SYT1: variants seen among roughly 807,000 people sequenced by gnomAD.
SYT1 encodes the protein synaptotagmin 1.
Under a neutral mutation model 44.8 loss-of-function variants are expected in SYT1, and 8 were observed. The ratio of observed to expected loss-of-function variants is 0.18; its 90% CI spans 0.10 to 0.32. The LOEUF (loss-of-function observed/expected upper bound fraction) is 0.32. Ranked by LOEUF, SYT1 falls within the 10% of genes least tolerant of loss-of-function variation. The pLI, the probability that SYT1 is intolerant of heterozygous loss-of-function variation, is 1.00. For synonymous variants in SYT1, 154 were observed against 188.8 expected (o/e 0.82, Z 1.51); for missense variants, 286 against 509.3 (o/e 0.56, Z 4.22).
intron 2 of SYT1, among the ~76,000 whole-genome samples, chr12:79,026,883 T>A (rs936546893): frequency 1.7e-4 from 25 of 149,470 alleles, no homozygotes; most frequent in African/African-American, 6.1e-4. Flanking sequence ...GGATGGCTAC[T>A]ACAAAAAAAG....
At chr12:79,003,808 T>C (rs943840645) in intron 2 of SYT1, among the ~76,000 whole-genome samples, 1 of 152,024 alleles carries the variant, frequency 6.6e-6, no homozygotes, top group Non-Finnish European at 1.5e-5. Flanking sequence ...AAATGTAGGC[T>C]TTGAAGTCAG....
At chr12:79,184,261 AC>A (rs1241504442) in intron 3 of SYT1, among the ~76,000 whole-genome samples, 1 of 152,052 alleles carries the variant, frequency 6.6e-6, no homozygotes, top group African/African-American at 2.4e-5. Context: ...GCTGAAAAAA[AC>A]ATAGGTTGTA....
intron 8 of SYT1, among the ~76,000 whole-genome samples, chr12:79,318,030 A>C (rs891523389): frequency 5.3e-5 from 8 of 152,204 alleles, no homozygotes; most frequent in Non-Finnish European, 1.2e-4. Flanking sequence ...ATTTTTAAAG[A>C]ATGAGAAAGC....
intron 9 of SYT1, among the ~76,000 whole-genome samples, chr12:79,413,950 G>A (rs1222316688): frequency 6.6e-6 from 1 of 152,098 alleles, no homozygotes; most frequent in Non-Finnish European, 1.5e-5. Flanking sequence ...TATATGTAAG[G>A]AAGGCAAATA....
intron 9 of SYT1, among the ~76,000 whole-genome samples, chr12:79,428,703 G>A (rs1381052941): frequency 1.3e-5 from 2 of 152,180 alleles, no homozygotes; most frequent in South Asian, 2.1e-4. Context: ...TAAATGTAAA[G>A]CTGGATTCTC....
At chr12:79,376,213 C>T (rs1458536228) in intron 9 of SYT1, among the ~76,000 whole-genome samples, 2 of 152,144 alleles carry the variant, frequency 1.3e-5, no homozygotes, top group African/African-American at 4.8e-5. Flanking sequence ...CAGGGCGAGT[C>T]TGCAGTGCAC....
intron 1 of SYT1, chr12:78,977,521 G>T (rs142517767): frequency 1.3e-5 from 2 of 152,302 alleles, no homozygotes; most frequent in African/African-American, 2.4e-5. Flanking sequence ...CAATGCCATT[G>T]AACAGAAGAT....
At chr12:79,176,846 T>C (rs549878952) in intron 3 of SYT1, among the ~76,000 whole-genome samples, 1 of 151,904 alleles carries the variant, frequency 6.6e-6, no homozygotes, top group Non-Finnish European at 1.5e-5. Flanking sequence ...CCCTACGTAG[T>C]TTACAATACT....
intron 1 of SYT1, among the ~76,000 whole-genome samples, chr12:78,880,642 A>C (rs1874402732): frequency 6.6e-6 from 1 of 151,640 alleles, no homozygotes; most frequent in Non-Finnish European, 1.5e-5. Flanking sequence ...AGCTCTATGC[A>C]TCTCATCCAA....
intron 1 of SYT1, among the ~76,000 whole-genome samples, chr12:78,875,509 G>A (rs1291225899): frequency 6.6e-6 from 1 of 151,656 alleles, no homozygotes; most frequent in Non-Finnish European, 1.5e-5. Flanking sequence ...AAAGCACTGG[G>A]GTCAAATGAA....
In SYT1 at chr12:79,082,890, C is replaced by T. The variant is rs147446280; in HGVS notation, c.-18+35528C>T. Among the ~76,000 whole-genome samples, 516 of 152,078 alleles carry T rather than the reference C, an allele frequency of 3.4e-3. 5 individuals carry two copies. Among genetic ancestry groups the T allele is most frequent in the Middle Eastern group, 3.4e-3 (1 of 294 alleles). On this transcript the variant is annotated intron_variant, in intron 3 of 10. Coordinates refer to ENST00000261205, the MANE Select transcript of SYT1 (RefSeq NM_005639.3). The stretch of plus-strand genomic sequence containing the variant: ...GAGAATGGTCCTTGCCAGGTGAACA[C>T]GTCTTCTCAGGCTTTGAGTAGCTTC...
chr12:79,314,168 C>CAAAAAAAAA (rs34951756), intron 8 of SYT1, among the ~76,000 whole-genome samples: 9 of 67,300 alleles, frequency 1.3e-4, no homozygotes, highest in African/African-American at 5.7e-4. Flanking sequence ...GACTCCGTCT[C>CAAAAAAAAA]AAAAAAAAAA....
At chr12:78,975,990 G>A (rs990875340) in intron 1 of SYT1, among the ~76,000 whole-genome samples, 2 of 152,096 alleles carry the variant, frequency 1.3e-5, no homozygotes, top group African/African-American at 4.8e-5. Context: ...ATATTCTAAA[G>A]GACACACACA....
intron 5 of SYT1, among the ~76,000 whole-genome samples, chr12:79,288,584 T>A (rs1051766171): frequency 6.6e-6 from 1 of 152,322 alleles, no homozygotes; most frequent in South Asian, 2.1e-4. Flanking sequence ...AAGATTTTTT[T>A]AAATATTCTG....
intron 1 of SYT1, among the ~76,000 whole-genome samples, chr12:78,931,751 A>G (rs775760349): frequency 6.6e-6 from 1 of 152,132 alleles, no homozygotes; most frequent in Non-Finnish European, 1.5e-5. Context: ...AGATGAGCCA[A>G]TTTATTTGAT....
intron 2 of SYT1, among the ~76,000 whole-genome samples, chr12:79,008,396 C>T (rs1321821135): frequency 1.3e-5 from 2 of 151,988 alleles, no homozygotes; most frequent in Admixed American, 6.6e-5. Flanking sequence ...GACAAGTGGT[C>T]GGACTTAATT....
chr12:79,275,606 G>A (rs149379781), intron 4 of SYT1, among the ~76,000 whole-genome samples: 1 of 152,254 alleles, frequency 6.6e-6, no homozygotes, highest in Admixed American at 6.5e-5. Flanking sequence ...GTGGAGCTGA[G>A]GTGACTCCCT....
intron 3 of SYT1, among the ~76,000 whole-genome samples, chr12:79,146,936 G>T (rs1869954261): frequency 6.6e-6 from 1 of 152,068 alleles, no homozygotes; most frequent in African/African-American, 2.4e-5. Flanking sequence ...TGCTTCCCGG[G>T]TTCAGGCCAT....
At chr12:79,129,267 T>G (rs967441814) in intron 3 of SYT1, among the ~76,000 whole-genome samples, 1 of 152,198 alleles carries the variant, frequency 6.6e-6, no homozygotes, top group Non-Finnish European at 1.5e-5. Flanking sequence ...TAAATACACA[T>G]GCTATTAAGG....
Sources: gnomAD v4.1 joint callset for allele counts (sites outside exome capture counted in the v4.1 genomes callset) on GRCh38, gnomAD v4.1.1 for gene constraint, MANE v1.5 for transcripts, NCBI Gene and HGNC (gene_info 2026-07-23, HGNC 2026-07-21) for gene names.